Variants in PCDH7 observed in about 807,000 individuals in gnomAD.
The protein encoded by PCDH7 is protocadherin 7, also known as protocadherin-7.
PCDH7 carries 17 observed loss-of-function variants against 58.9 expected under a neutral mutation model. The observed-to-expected ratio is 0.29, with a 90% CI of 0.20 to 0.43. PCDH7 has a LOEUF of 0.43. PCDH7 is among the 20% of genes least tolerant of loss of function. PCDH7 has a pLI of 1.00. For synonymous variants in PCDH7, 664 were observed against 616.4 expected, an observed-to-expected ratio of 1.08 and a Z score of -1.14; for missense variants, 1,274 against 1,441.0, an observed-to-expected ratio of 0.88 and a Z score of 1.88.
chr4:30,723,640 C>G lies in PCDH7; in HGVS notation c.2218C>G (p.Pro740Ala). 1 of 1,614,160 alleles carries G rather than the reference C, an allele frequency of 6.2e-7. No individual in the cohort carries two copies. The highest frequency in any genetic ancestry group is 8.5e-7 in the Non-Finnish European group (1 of 1,180,020). ...TGTGATGGATGAAAATGACAATGCT[C>G]CCACAGTTACCCTTCCCAAAAACAT... is the stretch of plus-strand genomic sequence containing the variant. Residue 740 changes from proline to alanine, a missense_variant, in exon 1 of 2, where the codon CCC becomes GCC. This residue lies in a region of PCDH7 where 731 missense variants were observed against 881.9 expected (regional missense o/e 0.83). Transcript: ENST00000361762. This position sits in a 1 kb window ranked among gnomAD's most constrained non-coding sequence, Gnocchi z 4.6.
At position 30,996,083 on chromosome 4, in the gene PCDH7, TA is replaced by T. The variant is rs140825644; in HGVS notation, c.*7+45873del. On this transcript the variant is annotated intron_variant, in intron 3 of 3. Coordinates refer to the PCDH7 transcript ENST00000509759. ...TTATATTCACATCGAATTAAATATA[TA>T]AAAATCCATGTGTCTTCTTTCTATC... 2.4e-4 allele frequency among the ~76,000 whole-genome samples: 37 copies of T among 152,352 alleles called. 1 individual carries two copies. The East Asian group carries it at 6.0e-3, about 25-fold the overall frequency.
At chr4:30,964,837 G>A (rs1748857018) in intron 3 of PCDH7, among the ~76,000 whole-genome samples, 1 of 152,038 alleles carries the variant, frequency 6.6e-6, no homozygotes, top group Non-Finnish European at 1.5e-5. Context: ...AGGTTTTGTT[G>A]GTTTGTTTTT....
chr4:30,998,246 G>A (rs1752067461), intron 3 of PCDH7, among the ~76,000 whole-genome samples: 3 of 152,158 alleles, frequency 2.0e-5, no homozygotes. Flanking sequence ...CATGGTAGAT[G>A]AAAACCAGAA....
chr4:30,966,979 T>C (rs962111271), intron 3 of PCDH7, among the ~76,000 whole-genome samples: 2 of 152,094 alleles, frequency 1.3e-5, no homozygotes, highest in African/African-American at 4.8e-5. Flanking sequence ...TATTGCAAAA[T>C]TGTGGAATTG....
intron 3 of PCDH7, among the ~76,000 whole-genome samples, chr4:31,004,060 A>G (rs1752568722): frequency 6.6e-6 from 1 of 152,158 alleles, no homozygotes; most frequent in Non-Finnish European, 1.5e-5. Flanking sequence ...TCCAAGGAGA[A>G]GAGCTTCCTT....
intron 1 of PCDH7, among the ~76,000 whole-genome samples, chr4:30,806,889 C>A (rs1396200818): frequency 6.6e-6 from 1 of 152,020 alleles, no homozygotes; most frequent in Non-Finnish European, 1.5e-5. Context: ...TAGAGTGTCA[C>A]TTGTTTTACC....
chr4:31,108,735 A>AT (rs796357070), intron 3 of PCDH7, among the ~76,000 whole-genome samples: 30 of 150,522 alleles, frequency 2.0e-4, no homozygotes, highest in East Asian at 1.4e-3. Context: ...GGATCAATTC[A>AT]TTTTTTTTTT....
At position 30,805,705 on chromosome 4, in the gene PCDH7, C is replaced by T. The variant is rs1413535051; in HGVS notation, c.70+81109C>T. ...GAGATCATTTTTTGTTCTTTTCCCT[C>T]TTTATGCTGTTCCAACCTATCAGTC... On this transcript the variant is annotated intron_variant, in intron 1 of 3. Transcript: ENST00000509759. Among the ~76,000 whole-genome samples, 3 of 152,264 alleles carry T rather than the reference C, an allele frequency of 2.0e-5. 1 individual carries two copies. The South Asian group carries it at 6.2e-4, about 32-fold the overall frequency.
chr4:30,938,495 C>G (rs1319033181), intron 2 of PCDH7, among the ~76,000 whole-genome samples: 1 of 151,800 alleles, frequency 6.6e-6, no homozygotes, highest in Non-Finnish European at 1.5e-5. Context: ...CACACACACA[C>G]ACACACACAC....
At position 31,045,814 on chromosome 4, in the gene PCDH7, A is replaced by G. The variant is rs141054184; in HGVS notation, c.*7+95599A>G. 1.1e-3 allele frequency among the ~76,000 whole-genome samples: 173 copies of G among 152,034 alleles called. 2 individuals are homozygous for G. The South Asian group carries it at 0.018, about 16-fold the overall frequency. ...CCAGTGTGAACAGTTCTTTCATTGCACTTGTATTTTTCGAAGCACACTGAT... is the reference window on the plus strand; with the variant it reads ...CCAGTGTGAACAGTTCTTTCATTGCGCTTGTATTTTTCGAAGCACACTGAT... On this transcript the variant is annotated intron_variant, in intron 3 of 3. Transcript: ENST00000509759.
chr4:30,835,009 A>G (rs181218034), intron 1 of PCDH7, among the ~76,000 whole-genome samples: 178 of 152,234 alleles, frequency 1.2e-3, no homozygotes, highest in African/African-American at 4.1e-3. Flanking sequence ...TGAGAATAGG[A>G]GAGCCATATA....
chr4:30,744,845 G>T (rs1044730794), intron 1 of PCDH7, among the ~76,000 whole-genome samples: 1 of 152,134 alleles, frequency 6.6e-6, no homozygotes, highest in African/African-American at 2.4e-5. Flanking sequence ...TTCTTTAATT[G>T]TCAATCCTAG....
chr4:31,142,914 T>A, exon 4 of PCDH7: 2 of 1,208,996 alleles, frequency 1.7e-6, no homozygotes, highest in South Asian at 2.7e-5. Context: ...GCAAAAACCT[T>A]ACAAAGCAAA....
At chr4:30,927,070 G>A (rs565369165) in intron 2 of PCDH7, among the ~76,000 whole-genome samples, 17 of 152,172 alleles carry the variant, frequency 1.1e-4, no homozygotes, top group Admixed American at 2.0e-4. Context: ...GGGAATGAGC[G>A]CTCATCAAAT....
At chr4:31,071,384 T>C (rs1451815416) in intron 3 of PCDH7, among the ~76,000 whole-genome samples, 1 of 152,042 alleles carries the variant, frequency 6.6e-6, no homozygotes, top group East Asian at 1.9e-4. Context: ...AGAAAATCAG[T>C]GTTTAATTAA....
At chr4:31,116,645 C>A (rs1717019759) in intron 3 of PCDH7, among the ~76,000 whole-genome samples, 1 of 151,808 alleles carries the variant, frequency 6.6e-6, no homozygotes. Context: ...GTCTCAAATG[C>A]AAGTTGAATA....
chr4:30,850,419 G>T (rs1307301881), intron 1 of PCDH7, among the ~76,000 whole-genome samples: 3 of 152,100 alleles, frequency 2.0e-5, no homozygotes, highest in African/African-American at 7.2e-5. Flanking sequence ...GCTAGAAATA[G>T]CTTTAGGGAT....
At chr4:30,902,081 C>T (rs1223184041) in intron 1 of PCDH7, among the ~76,000 whole-genome samples, 3 of 152,194 alleles carry the variant, frequency 2.0e-5, no homozygotes, top group African/African-American at 4.8e-5. Flanking sequence ...CATAGTACTA[C>T]TGTGACAAAC....
intron 3 of PCDH7, among the ~76,000 whole-genome samples, chr4:31,010,524 A>G (rs1191660017): frequency 1.3e-5 from 2 of 151,980 alleles, no homozygotes; most frequent in African/African-American, 4.8e-5. Context: ...CTTCATTTGA[A>G]TATCTCTACT....
Sources: gnomAD v4.1 joint callset for allele counts (sites outside exome capture counted in the v4.1 genomes callset) on GRCh38, gnomAD v4.1.1 for gene constraint, gnomAD v4.1.1 regional missense constraint, Gnocchi (gnomAD v3.1) non-coding constraint, MANE v1.5 for transcripts, NCBI Gene and HGNC (gene_info 2026-07-23, HGNC 2026-07-21) for gene names.